The following ST18 variants were observed in gnomAD, a reference collection of about 807,000 sequenced individuals.
ST18 encodes suppression of tumorigenicity 18 protein.
Under a neutral mutation model 110.0 loss-of-function variants are expected in ST18, and 50 were observed. The ratio of observed to expected loss-of-function variants is 0.45; its 90% confidence interval spans 0.36 to 0.58. The LOEUF (loss-of-function observed/expected upper bound fraction) is 0.58, where lower values mean the gene tolerates loss of function less well. Ranked by LOEUF, ST18 falls within the 20% of genes least tolerant of loss-of-function variation. ST18 has a pLI of 0.00. For missense variants in ST18, 1,306 were observed against 1,280.1 expected, an observed-to-expected ratio of 1.02 and a Z score of -0.31; for synonymous variants, 461 against 452.4, an observed-to-expected ratio of 1.02 and a Z score of -0.24.
intron 8 of ST18, among the ~76,000 whole-genome samples, chr8:52,187,189 G>A (rs2072637611): frequency 6.6e-6 from 1 of 152,196 alleles, no homozygotes; most frequent in South Asian, 2.1e-4. Flanking sequence ...ACCCAATAGA[G>A]CCAATGATAA....
At position 52,241,103 on chromosome 8, in the gene ST18, T is replaced by C. The variant is rs150275907; in HGVS notation, c.-464-11026A>G. On this transcript the variant is annotated intron_variant, in intron 2 of 25. Coordinates refer to ENST00000689386, the MANE Select transcript of ST18 (RefSeq NM_001352837.2). The stretch of plus-strand genomic sequence containing the variant: ...GTCATTTATGACTCTTTACCAGTTT[T>C]CAAATGTATGTCCTGGGCTTGCCTC... Among the ~76,000 whole-genome samples, 2 of 152,380 alleles carry C rather than the reference T, an allele frequency of 1.3e-5. 1 individual carries two copies. Among genetic ancestry groups the C allele is most frequent in the Non-Finnish European group, 2.9e-5 (2 of 68,038 alleles).
chr8:52,149,433 T>C (rs1469613107), intron 16 of ST18, among the ~76,000 whole-genome samples: 1 of 152,236 alleles, frequency 6.6e-6, no homozygotes, highest in Non-Finnish European at 1.5e-5. Context: ...CATTGCCCCT[T>C]ACAGCTGCTA....
chr8:52,251,769 T>C (rs887874636), intron 2 of ST18, among the ~76,000 whole-genome samples: 1 of 152,100 alleles, frequency 6.6e-6, no homozygotes, highest in Non-Finnish European at 1.5e-5. Context: ...AGGCAGCAGA[T>C]GGAACCATTT....
intron 9 of ST18, among the ~76,000 whole-genome samples, chr8:52,175,795 C>T (rs909707789): frequency 2.0e-5 from 3 of 152,134 alleles, no homozygotes; most frequent in Admixed American, 6.5e-5. Flanking sequence ...CAGTGCAAGA[C>T]TGAGACACAG....
intron 11 of ST18, 47 bp from the exon 12 acceptor site, chr8:52,165,272 A>G: frequency 6.3e-7 from 1 of 1,577,146 alleles, no homozygotes; most frequent in Admixed American, 1.7e-5. Context: ...TACCATAAAT[A>G]CAAAGCACAC....
chr8:52,228,897 A>G (rs1233517380), intron 3 of ST18, among the ~76,000 whole-genome samples: 1 of 152,088 alleles, frequency 6.6e-6, no homozygotes, highest in African/African-American at 2.4e-5. Flanking sequence ...TTAGGTAAAC[A>G]TGGACTCACT....
rs567593277 is a variant in ST18 at position 52,133,436 on chromosome 8, G to T, written c.2301-135C>A. 2.4e-4 allele frequency: 226 copies of T among 938,874 alleles called. No individual in the cohort carries two copies. The African/African-American group carries it at 3.1e-3, about 13-fold the overall frequency. 58.2% of individuals were successfully genotyped at this position (938,874 alleles called of 1,614,324 possible). A position where few individuals can be genotyped will look rare whatever the true frequency, so the allele number is the denominator to read the frequency against. On this transcript the variant is annotated intron_variant, in intron 19 of 25. Transcript: ENST00000689386. The stretch of plus-strand genomic sequence containing the variant: ...TGTAGTTCACGTGGAGGGAGGCGGG[G>T]TCACACAGCCAAATGTAACTAAAAA...
chr8:52,147,494 A>G (rs894280470), intron 16 of ST18, among the ~76,000 whole-genome samples: 2 of 152,074 alleles, frequency 1.3e-5, no homozygotes, highest in African/African-American at 4.8e-5. Context: ...GAAGATGAGA[A>G]CCTATTTGAA....
At chr8:52,204,557 C>T (rs1361479246) in intron 8 of ST18, among the ~76,000 whole-genome samples, 1 of 152,136 alleles carries the variant, frequency 6.6e-6, no homozygotes, top group East Asian at 1.9e-4. Context: ...TTACATCATA[C>T]CCTGGGTTTG....
At chr8:52,237,419 G>A (rs189942239) in intron 2 of ST18, among the ~76,000 whole-genome samples, 14 of 151,970 alleles carry the variant, frequency 9.2e-5, no homozygotes, top group African/African-American at 3.1e-4. Context: ...AACTCAATCT[G>A]CATAACAAAT....
chr8:52,159,797 T>A (rs2060951133), intron 14 of ST18, among the ~76,000 whole-genome samples: 1 of 152,172 alleles, frequency 6.6e-6, no homozygotes, highest in South Asian at 2.1e-4. Flanking sequence ...AAGGCTGAGT[T>A]TCCATTTTAT....
At chr8:52,258,393 A>G (rs1034105911) in intron 2 of ST18, among the ~76,000 whole-genome samples, 5 of 152,232 alleles carry the variant, frequency 3.3e-5, no homozygotes, top group African/African-American at 4.8e-5. Flanking sequence ...CAAGATTACA[A>G]CTTCTAATCC....
intron 16 of ST18, among the ~76,000 whole-genome samples, chr8:52,147,773 C>G (rs2057727603): frequency 6.6e-6 from 1 of 152,148 alleles, no homozygotes; most frequent in Non-Finnish European, 1.5e-5. Context: ...TCAGGTTTCC[C>G]TTTAGGTCTG....
At chr8:52,260,668 G>A (rs546042240) in intron 2 of ST18, among the ~76,000 whole-genome samples, 5 of 152,156 alleles carry the variant, frequency 3.3e-5, no homozygotes, top group East Asian at 3.9e-4. Context: ...TCCACAGGTC[G>A]GTAATTTCTC....
At chr8:52,332,421 C>T (rs1809947232) in intron 2 of ST18, among the ~76,000 whole-genome samples, 2 of 149,278 alleles carry the variant, frequency 1.3e-5, no homozygotes, top group Admixed American at 1.3e-4. Context: ...GAAGAGAATT[C>T]TCTTACGATG....
chr8:52,143,343 G>T (rs1586842245), intron 16 of ST18, among the ~76,000 whole-genome samples: 1 of 152,142 alleles, frequency 6.6e-6, no homozygotes, highest in Non-Finnish European at 1.5e-5. Flanking sequence ...AAATTTGCTG[G>T]ACGCTGTGGT....
At chr8:52,122,853 G>A (rs140124531) in intron 23 of ST18, among the ~76,000 whole-genome samples, 3 of 151,918 alleles carry the variant, frequency 2.0e-5, no homozygotes, top group Non-Finnish European at 4.4e-5. Flanking sequence ...AGGGGAAAAT[G>A]AGTTAATGTA....
At chr8:52,288,185 C>T (rs188746856) in intron 2 of ST18, among the ~76,000 whole-genome samples, 11 of 152,292 alleles carry the variant, frequency 7.2e-5, no homozygotes, top group Admixed American at 3.3e-4. Context: ...CAGTTCATCC[C>T]TTGGTATTAC....
At chr8:52,362,526 CAT>C (rs1468942982) in intron 2 of ST18, among the ~76,000 whole-genome samples, 1 of 152,144 alleles carries the variant, frequency 6.6e-6, no homozygotes, top group Non-Finnish European at 1.5e-5. Flanking sequence ...AACCTACAAA[CAT>C]AGGATTATTG....
Sources: allele counts gnomAD v4.1 joint callset (sites outside exome capture counted in the v4.1 genomes callset), GRCh38; gene constraint gnomAD v4.1.1; transcripts MANE v1.5; gene names NCBI Gene and HGNC (gene_info 2026-07-23, HGNC 2026-07-21).